RBPMS: variants seen among roughly 807,000 people sequenced by gnomAD.
RBPMS encodes RNA-binding protein with multiple splicing.
RBPMS carries 7 observed loss-of-function variants against 26.8 expected under a neutral mutation model. The observed-to-expected ratio is 0.26, with a 90% confidence interval of 0.15 to 0.49. The LOEUF is 0.49. RBPMS is among the 20% of genes least tolerant of loss of function. The probability of loss-of-function intolerance (pLI) is 0.98; values close to 1 mark genes in which losing one functional copy is unlikely to be tolerated. For missense variants in RBPMS, 186 were observed against 250.0 expected, an observed-to-expected ratio of 0.74 and a Z score of 1.73; for synonymous variants, 96 against 93.3, an observed-to-expected ratio of 1.03 and a Z score of -0.17.
chr8:30,483,918 C>T (rs1446361204), intron 4 of RBPMS, among the ~76,000 whole-genome samples: 43 of 152,124 alleles, frequency 2.8e-4, no homozygotes, highest in African/African-American at 9.2e-4. Flanking sequence ...TGGCATTTAC[C>T]AGAATCAAAT....
At chr8:30,502,253 G>T (rs1241383725) in intron 4 of RBPMS, among the ~76,000 whole-genome samples, 1 of 151,766 alleles carries the variant, frequency 6.6e-6, no homozygotes, top group African/African-American at 2.4e-5. Context: ...GGGAGTAGGG[G>T]AGACTTAGTT....
intron 8 of RBPMS, among the ~76,000 whole-genome samples, chr8:30,567,175 A>C (rs972028906): frequency 4.5e-4 from 69 of 152,290 alleles, no homozygotes; most frequent in Non-Finnish European, 3.1e-4. Context: ...AAAAAAGAGG[A>C]GTCTGAAAGG....
rs184497303 is a variant in RBPMS at position 30,539,062 on chromosome 8, C to T, written c.398-5432C>T. On this transcript the variant is annotated intron_variant, in intron 5 of 8. Transcript: ENST00000397323. Reference sequence around the variant, plus strand: ...GGGCTTAACAGGCATGGATCAGCTACTTGCTGAGGTATGTGAGTGGGAGTT... The same window carrying T: ...GGGCTTAACAGGCATGGATCAGCTATTTGCTGAGGTATGTGAGTGGGAGTT... Among the ~76,000 whole-genome samples the T allele has an allele frequency of 2.4e-4, 36 of 152,312 alleles. 1 individual carries two copies. Among genetic ancestry groups the T allele is most frequent in the African/African-American group, 8.4e-4 (35 of 41,566 alleles).
intron 7 of RBPMS, among the ~76,000 whole-genome samples, chr8:30,560,823 A>G (rs1827400812): frequency 6.6e-6 from 1 of 152,212 alleles, no homozygotes; most frequent in Non-Finnish European, 1.5e-5. Flanking sequence ...CTAATGTTTC[A>G]TGCCTGGGGG....
At chr8:30,392,052 C>G (rs1192964676) in intron 1 of RBPMS, among the ~76,000 whole-genome samples, 1 of 151,930 alleles carries the variant, frequency 6.6e-6, no homozygotes, top group African/African-American at 2.4e-5. Context: ...ATGCCAAGAT[C>G]TGAGAGAGGC....
At chr8:30,565,026 C>G (rs1272505849) in intron 7 of RBPMS, 1 of 152,256 alleles carries the variant, frequency 6.6e-6, no homozygotes, top group African/African-American at 2.4e-5. Flanking sequence ...TGGCCTGGCT[C>G]TGCAGCTCTG....
intron 1 of RBPMS, among the ~76,000 whole-genome samples, chr8:30,439,514 G>C (rs760201330): frequency 3.9e-5 from 6 of 152,178 alleles, no homozygotes; most frequent in Admixed American, 6.5e-5. Flanking sequence ...GAAGGAATGC[G>C]GTGAGCAAAT....
chr8:30,558,693 A>G (rs1267091547), intron 6 of RBPMS, 194 bp from the exon 7 acceptor site: 3 of 651,754 alleles, frequency 4.6e-6, no homozygotes, highest in South Asian at 3.4e-5. Context: ...CTGTGTGTTC[A>G]TAATGGTGTG....
At chr8:30,447,496 A>G (rs763723862) in intron 1 of RBPMS, among the ~76,000 whole-genome samples, 3 of 152,230 alleles carry the variant, frequency 2.0e-5, no homozygotes, top group Non-Finnish European at 4.4e-5. Flanking sequence ...GAACTGCATT[A>G]TAGAGCTGCT....
At chr8:30,493,935 T>C (rs1448069177) in intron 4 of RBPMS, among the ~76,000 whole-genome samples, 1 of 152,168 alleles carries the variant, frequency 6.6e-6, no homozygotes, top group Non-Finnish European at 1.5e-5. Flanking sequence ...GTTATATACA[T>C]AGGGGTGGTT....
intron 5 of RBPMS, among the ~76,000 whole-genome samples, chr8:30,532,832 A>G (rs1396418720): frequency 6.6e-6 from 1 of 152,106 alleles, no homozygotes; most frequent in African/African-American, 2.4e-5. Context: ...AAGGAGTTCC[A>G]TTTCCAAATG....
At chr8:30,419,943 G>A (rs1045144010) in intron 1 of RBPMS, among the ~76,000 whole-genome samples, 1 of 152,170 alleles carries the variant, frequency 6.6e-6, no homozygotes, top group African/African-American at 2.4e-5. Context: ...GACCTGAATA[G>A]GTCTGGTGCA....
In RBPMS at chr8:30,495,610, T is replaced by C. The variant is rs142430536; in HGVS notation, c.247-8676T>C. 6.9e-3 allele frequency among the ~76,000 whole-genome samples: 1,046 copies of C among 152,286 alleles called. 6 individuals are homozygous for C. Among genetic ancestry groups the C allele is most frequent in the Non-Finnish European group, 9.5e-3 (643 of 68,026 alleles). On this transcript the variant is annotated intron_variant, in intron 4 of 8. Transcript: ENST00000397323. ...AGCCAGGGCAAGCACTGGGAGGTAG[T>C]TGGATTAAGAAAAAGAATGAGGCAT...
At chr8:30,551,012 G>A (rs2151067360) in intron 6 of RBPMS, among the ~76,000 whole-genome samples, 1 of 152,306 alleles carries the variant, frequency 6.6e-6, no homozygotes, top group Middle Eastern at 3.4e-3. Flanking sequence ...TCTTCCCACA[G>A]TCCTTCTGCT....
At chr8:30,557,838 A>G (rs541847257) in intron 6 of RBPMS, among the ~76,000 whole-genome samples, 2 of 152,282 alleles carry the variant, frequency 1.3e-5, no homozygotes, top group African/African-American at 4.8e-5. Context: ...GTTAAAGACA[A>G]ACGGCGCTTG....
chr8:30,519,454 CTCTCTTTTTT>C (rs1822770743), intron 5 of RBPMS, among the ~76,000 whole-genome samples: 1 of 123,480 alleles, frequency 8.1e-6, no homozygotes, highest in African/African-American at 3.3e-5. Flanking sequence ...GGGAGGATCT[CTCTCTTTTTT>C]TTTTTTTTTT....
chr8:30,479,431 A>C (rs903070032), intron 4 of RBPMS, 54 bp downstream of exon 4: 1 of 1,262,796 alleles, frequency 7.9e-7, no homozygotes, highest in African/African-American at 1.5e-5. Flanking sequence ...GGTGGGAAGT[A>C]ATGGAATCTC....
At chr8:30,492,895 T>C (rs1316108263) in intron 4 of RBPMS, among the ~76,000 whole-genome samples, 1 of 152,242 alleles carries the variant, frequency 6.6e-6, no homozygotes, top group Non-Finnish European at 1.5e-5. Flanking sequence ...GATTTAAGCC[T>C]ATGATCTGAG....
intron 5 of RBPMS, among the ~76,000 whole-genome samples, chr8:30,533,200 ACT>A (rs554958784): frequency 1.9e-3 from 294 of 152,138 alleles, no homozygotes; most frequent in African/African-American, 4.6e-3. Flanking sequence ...ATGGCTTAAC[ACT>A]CTCAGAAAAC....
Sources: allele counts gnomAD v4.1 joint callset (sites outside exome capture counted in the v4.1 genomes callset), GRCh38; gene constraint gnomAD v4.1.1; transcripts MANE v1.5; gene names NCBI Gene and HGNC (gene_info 2026-07-23, HGNC 2026-07-21).